The following LRRC7 variants were observed in gnomAD, a reference collection of about 807,000 sequenced individuals.
LRRC7 encodes the protein leucine-rich repeat-containing protein 7.
Under a neutral mutation model 175.7 loss-of-function variants are expected in LRRC7, and 23 were observed. The observed-to-expected ratio is 0.13, with a 90% CI of 0.09 to 0.19. The LOEUF is 0.19. Ranked by LOEUF, LRRC7 falls within the 10% of genes least tolerant of loss-of-function variation. The probability of loss-of-function intolerance (pLI) is 1.00; values close to 1 mark genes in which losing one functional copy is unlikely to be tolerated. For missense variants in LRRC7, 1,354 were observed against 1,904.7 expected (o/e 0.71, Z 5.38); for synonymous variants, 685 against 680.9 (o/e 1.01, Z -0.09).
intron 24 of LRRC7, among the ~76,000 whole-genome samples, chr1:70,078,536 A>T (rs1662950618): frequency 1.3e-5 from 2 of 152,068 alleles, no homozygotes; most frequent in African/African-American, 4.8e-5. Context: ...TACTACCCTG[A>T]TTTCTTTCAT....
intron 1 of LRRC7, among the ~76,000 whole-genome samples, chr1:69,599,204 A>G (rs1182700688): frequency 6.6e-6 from 1 of 152,002 alleles, no homozygotes; most frequent in African/African-American, 2.4e-5. Flanking sequence ...GATGGAATAT[A>G]GTTGGAGTTT....
intron 7 of LRRC7, among the ~76,000 whole-genome samples, chr1:69,888,388 C>T (rs966082720): frequency 1.7e-4 from 26 of 152,154 alleles, no homozygotes; most frequent in African/African-American, 5.3e-4. Flanking sequence ...TTTCCAGGTG[C>T]GTCCGTCACC....
At chr1:69,768,675 C>A (rs1671891252) in intron 3 of LRRC7, among the ~76,000 whole-genome samples, 1 of 152,146 alleles carries the variant, frequency 6.6e-6, no homozygotes, top group South Asian at 2.1e-4. Flanking sequence ...AAAGTTAGAG[C>A]ATATCTGCAT....
intron 1 of LRRC7, among the ~76,000 whole-genome samples, chr1:69,571,242 C>T (rs1295713506): frequency 6.6e-6 from 1 of 152,190 alleles, no homozygotes; most frequent in African/African-American, 2.4e-5. Flanking sequence ...GAATTAGAAA[C>T]AACTTCATAA....
At chr1:69,580,998 C>T (rs1646177588) in intron 1 of LRRC7, among the ~76,000 whole-genome samples, 2 of 152,014 alleles carry the variant, frequency 1.3e-5, no homozygotes, top group Admixed American at 1.3e-4. Flanking sequence ...AACTTTAAAT[C>T]AGAAGAGGAT....
chr1:70,089,508 CTTGCCCAGGTAA>C (rs1161673436), intron 24 of LRRC7, among the ~76,000 whole-genome samples: 6 of 152,152 alleles, frequency 3.9e-5, no homozygotes, highest in South Asian at 4.1e-4. Context: ...CTAATATCTT[CTTGCCCAGGTAA>C]TTTCAAGCGA....
intron 4 of LRRC7, among the ~76,000 whole-genome samples, chr1:69,825,240 C>T (rs570728242): frequency 2.9e-4 from 44 of 152,284 alleles, no homozygotes; most frequent in Non-Finnish European, 4.9e-4. Context: ...TAAAATTTAG[C>T]AGAGCCCCAT....
chr1:70,095,239 G>A (rs1664304387), intron 25 of LRRC7, among the ~76,000 whole-genome samples: 1 of 152,070 alleles, frequency 6.6e-6, no homozygotes, highest in South Asian at 2.1e-4. Context: ...ACTAAATTTA[G>A]GAAGACGCTG....
rs757174785 is a variant in LRRC7, at chr1:69,792,189, C to G, written c.421+29C>G. 6 of 1,257,446 alleles carry G rather than the reference C, an allele frequency of 4.8e-6. No homozygotes were observed. The South Asian group carries it at 6.4e-5, about 13-fold the overall frequency. The allele number at this position is 1,257,446 out of a possible 1,614,324, so 77.9% of individuals were successfully genotyped here. A position where few individuals can be genotyped will look rare whatever the true frequency, so the allele number is the denominator to read the frequency against. On this transcript the variant is annotated intron_variant, in intron 4 of 26. Transcript: ENST00000651989. Reference sequence around the variant, plus strand: ...AGATTTTTCTCTCATCATAAAATACCTAGAATTTTTTAACTGAAAATGTGC... The same window carrying G: ...AGATTTTTCTCTCATCATAAAATACGTAGAATTTTTTAACTGAAAATGTGC...
chr1:69,834,911 T>G (rs1452251928), intron 6 of LRRC7, 42 bp downstream of exon 6: 1 of 1,496,388 alleles, frequency 6.7e-7, no homozygotes, highest in Non-Finnish European at 9.3e-7. Context: ...TATCTCACCT[T>G]AGGTAAGTGC....
rs753669805 is a variant in LRRC7, at chr1:70,028,270, G to A, written c.1894G>A (p.Val632Met). 21 of 1,613,700 alleles carry A rather than the reference G, an allele frequency of 1.3e-5. No individual in the cohort carries two copies. Among genetic ancestry groups the A allele is most frequent in the Non-Finnish European group, 1.8e-5 (21 of 1,179,812 alleles). ...TTTGGTGGGTAAGCCAAGCCATGGA[G>A]TGCGTGTTGAGAATTCAAATCCAAC... ...QNLVGKPSHG[V>M]RVENSNPTAN... is the part of the protein sequence containing the mutation. Residue 632 changes from valine to methionine, a missense_variant, in exon 18 of 27, where the codon GTG becomes ATG. By Grantham distance (21) the Val-to-Met change is conservative (BLOSUM62 1). Around this residue, in one of 4 missense-constraint regions of LRRC7, gnomAD observed 1,032 missense variants for 1,227.2 expected, o/e 0.84. Coordinates refer to ENST00000651989, the MANE Select transcript of LRRC7 (RefSeq NM_001370785.2).
chr1:70,102,046 C>A (rs150951654), intron 25 of LRRC7, among the ~76,000 whole-genome samples: 134 of 152,214 alleles, frequency 8.8e-4, no homozygotes, highest in Middle Eastern at 3.4e-3. Flanking sequence ...ACTAAAGAAC[C>A]CGATGTGAGA....
rs557567983 is a variant in LRRC7, at chr1:69,807,455, T to C, written c.421+15295T>C. On this transcript the variant is annotated intron_variant, in intron 4 of 26. Transcript: ENST00000651989. Reference sequence around the variant, plus strand: ...GGTACCGGTTGTTCCTTTCCATGTTTAGTGCTTCCTTCAGGAGCTCTTGTA... The same window carrying C: ...GGTACCGGTTGTTCCTTTCCATGTTCAGTGCTTCCTTCAGGAGCTCTTGTA... 1.2e-4 allele frequency among the ~76,000 whole-genome samples: 19 copies of C among 152,238 alleles called. No individual in the cohort carries two copies. The South Asian group carries it at 2.1e-3, about 17-fold the overall frequency.
intron 1 of LRRC7, among the ~76,000 whole-genome samples, chr1:69,632,087 T>G (rs971586521): frequency 4.6e-5 from 7 of 152,184 alleles, no homozygotes; most frequent in African/African-American, 1.4e-4. Context: ...CTTTAGGTTA[T>G]CTAATAAAAT....
chr1:70,092,243 G>A (rs768138335), intron 25 of LRRC7, among the ~76,000 whole-genome samples: 4 of 152,038 alleles, frequency 2.6e-5, no homozygotes, highest in Non-Finnish European at 2.9e-5. Context: ...TCATGAAATG[G>A]CTGATTTACA....
chr1:69,815,968 A>C (rs1249605322), intron 4 of LRRC7, among the ~76,000 whole-genome samples: 1 of 150,838 alleles, frequency 6.6e-6, no homozygotes, highest in Non-Finnish European at 1.5e-5. Flanking sequence ...TTATTTATTT[A>C]TTTATTTATT....
chr1:69,725,026 A>G (rs1252608750), intron 2 of LRRC7, among the ~76,000 whole-genome samples: 1 of 152,120 alleles, frequency 6.6e-6, no homozygotes, highest in Admixed American at 6.5e-5. Context: ...GACTCCACAA[A>G]AGCTTAACTA....
intron 18 of LRRC7, among the ~76,000 whole-genome samples, chr1:70,030,067 CATTCTCACCTAAGTGT>C (rs57374448): frequency 0.12 from 18,326 of 152,052 alleles, 1,186 homozygotes; most frequent in African/African-American, 0.16. Flanking sequence ...AAAGCCTGTG[CATTCTCACCTAAGTGT>C]ATCATTTCTA....
In LRRC7 at chr1:69,955,715, C is replaced by A. The variant is rs575554844; in HGVS notation, c.711+24145C>A. ...ACTCATTGCTCATCTGTAATATAAA[C>A]GAAAAATTTGTGTGATGAATCCAAG... is the stretch of plus-strand genomic sequence containing the variant. On this transcript the variant is annotated intron_variant, in intron 8 of 26. Transcript: ENST00000651989. Among the ~76,000 whole-genome samples the A allele has an allele frequency of 6.6e-5, 10 of 151,914 alleles. No individual in the cohort carries two copies. The South Asian group carries it at 2.1e-3, about 32-fold the overall frequency.
Sources: allele counts gnomAD v4.1 joint callset (sites outside exome capture counted in the v4.1 genomes callset), GRCh38; gene constraint gnomAD v4.1.1; regional missense constraint gnomAD v4.1.1; transcripts MANE v1.5; gene names NCBI Gene and HGNC (gene_info 2026-07-23, HGNC 2026-07-21).